The following TENM2 variants were observed in gnomAD, a reference collection of about 807,000 sequenced individuals.
TENM2 encodes teneurin transmembrane protein 2.
Under a neutral mutation model 245.2 loss-of-function variants are expected in TENM2, and 52 were observed. That is an observed-to-expected ratio of 0.21 (90% CI 0.17 to 0.27). The LOEUF is 0.27. Among genes scored for constraint, TENM2 ranks in the 10% least tolerant of loss-of-function variants. TENM2 has a pLI of 1.00. For missense variants in TENM2, 3,046 were observed against 3,666.8 expected (o/e 0.83, Z 4.37); for synonymous variants, 1,363 against 1,438.9 (o/e 0.95, Z 1.19).
At chr5:167,285,204 A>G in intron 1 of TENM2, 141 bp downstream of exon 3, 1 of 640,154 alleles carries the variant, frequency 1.6e-6, no homozygotes, top group Non-Finnish European at 2.8e-6. Flanking sequence ...CATAAAGGAC[A>G]TTCCTAACAA....
chr5:167,463,534 T>C (rs925198690), intron 2 of TENM2, among the ~76,000 whole-genome samples: 1 of 152,264 alleles, frequency 6.6e-6, no homozygotes, highest in Non-Finnish European at 1.5e-5. Context: ...GTTTCACTTT[T>C]GTTGCCCAGG....
chr5:168,227,406 CAAAG>C (rs1326364758), intron 24 of TENM2, among the ~76,000 whole-genome samples: 1 of 151,936 alleles, frequency 6.6e-6, no homozygotes, highest in Non-Finnish European at 1.5e-5. Flanking sequence ...TCCATTTTCT[CAAAG>C]AAAGAATCCT....
At chr5:168,136,673 G>A (rs993669365) in intron 12 of TENM2, among the ~76,000 whole-genome samples, 28 of 152,110 alleles carry the variant, frequency 1.8e-4, no homozygotes, top group Non-Finnish European at 2.5e-4. Context: ...CTGAGCTGTC[G>A]AACAGACACC....
chr5:167,686,742 G>A (rs557965423), intron 2 of TENM2, among the ~76,000 whole-genome samples: 39 of 152,278 alleles, frequency 2.6e-4, no homozygotes, highest in Non-Finnish European at 5.3e-4. Context: ...TTGCTGGGAT[G>A]CCTGGAGCCA....
rs190339424 is a variant in TENM2 at position 167,974,327 on chromosome 5, A to G, written c.948-18617A>G. On this transcript the variant is annotated intron_variant, in intron 4 of 28. Coordinates refer to ENST00000518659, the Ensembl canonical transcript of TENM2. ...GAAGGAAGGGAGGAAAGGAGGGAGGAAGGAAGGAAGGAAGGAAGGAAGGGA... is the reference window on the plus strand; with the variant it reads ...GAAGGAAGGGAGGAAAGGAGGGAGGGAGGAAGGAAGGAAGGAAGGAAGGGA... Among the ~76,000 whole-genome samples, 16 of 7,614 alleles carry G rather than the reference A, an allele frequency of 2.1e-3. 5 individuals are homozygous for G. Among genetic ancestry groups the G allele is most frequent in the Middle Eastern group, 0.056 (1 of 18 alleles). The allele number at this position is 7,614 out of a possible 152,430, so 5.0% of individuals were successfully genotyped here.
intron 2 of TENM2, among the ~76,000 whole-genome samples, chr5:167,633,130 A>C (rs1582602160): frequency 2.0e-5 from 3 of 152,186 alleles, no homozygotes; most frequent in Non-Finnish European, 2.9e-5. Flanking sequence ...TCTGGGAGGC[A>C]GTGGCTTAAG....
the TENM2 span, among the ~76,000 whole-genome samples, chr5:167,158,198 GA>G: frequency 6.6e-6 from 1 of 152,054 alleles, no homozygotes; most frequent in Admixed American, 6.6e-5. Context: ...CACAGATATA[GA>G]ACACAGAACA....
exon 22 of TENM2, chr5:168,216,778 A>T (rs1289899221): frequency 4.3e-6 from 7 of 1,613,768 alleles, no homozygotes; most frequent in Non-Finnish European, 5.9e-6. Flanking sequence ...GTATTGCAGT[A>T]GACAAGAATG....
chr5:167,644,385 TTC>T (rs1274746276), intron 2 of TENM2, among the ~76,000 whole-genome samples: 1 of 152,202 alleles, frequency 6.6e-6, no homozygotes, highest in East Asian at 1.9e-4. Context: ...TAGCAAATGT[TTC>T]TTTCTTTCCC....
At chr5:167,937,978 C>T (rs923805395) in intron 3 of TENM2, 4 of 152,314 alleles carry the variant, frequency 2.6e-5, no homozygotes, top group African/African-American at 9.7e-5. Context: ...CGTCTCCACT[C>T]AGCAACTCAG....
At chr5:167,899,410 T>G (rs1439204837) in intron 3 of TENM2, among the ~76,000 whole-genome samples, 2 of 152,298 alleles carry the variant, frequency 1.3e-5, no homozygotes, top group African/African-American at 4.8e-5. Context: ...CATGATAGCA[T>G]AGTAATAATA....
chr5:167,750,077 G>C (rs1022877351), intron 2 of TENM2, among the ~76,000 whole-genome samples: 7 of 152,124 alleles, frequency 4.6e-5, no homozygotes, highest in Admixed American at 4.6e-4. Context: ...CTGCAGGAAT[G>C]GTTCATTATC....
the TENM2 span, among the ~76,000 whole-genome samples, chr5:167,057,350 A>T: frequency 6.6e-6 from 1 of 152,178 alleles, no homozygotes; most frequent in East Asian, 1.9e-4. Flanking sequence ...TGATGCTTGT[A>T]CAGTCTCTTT....
At chr5:167,419,512 A>C (rs1763365673) in intron 2 of TENM2, among the ~76,000 whole-genome samples, 1 of 152,214 alleles carries the variant, frequency 6.6e-6, no homozygotes, top group Admixed American at 6.6e-5. Context: ...ATGGGTATTT[A>C]GAACGACAAA....
intron 1 of TENM2, among the ~76,000 whole-genome samples, chr5:167,369,707 C>A (rs1416058582): frequency 6.6e-6 from 1 of 152,128 alleles, no homozygotes; most frequent in Admixed American, 6.5e-5. Flanking sequence ...AAAATGACTT[C>A]TCTTAAATTC....
intron 2 of TENM2, among the ~76,000 whole-genome samples, chr5:167,837,062 C>T (rs2151126730): frequency 1.0e-5 from 1 of 98,068 alleles, no homozygotes; most frequent in Non-Finnish European, 2.3e-5. Context: ...ATATGTATGC[C>T]TAAGTACACA....
the TENM2 span, among the ~76,000 whole-genome samples, chr5:167,137,454 C>T: frequency 6.6e-6 from 1 of 152,104 alleles, no homozygotes; most frequent in Non-Finnish European, 1.5e-5. Context: ...TTTTTTCCAG[C>T]TCTCATGTGC....
In TENM2 at chr5:168,226,267, A is replaced by C; in HGVS notation, c.5284+4A>C. 6.2e-7 allele frequency: 1 copy of C among 1,611,574 alleles called. No homozygotes were observed. The highest frequency in any genetic ancestry group is 2.2e-5 in the East Asian group (1 of 44,810). On this transcript the variant is annotated splice_donor_region_variant and intron_variant, in intron 24 of 28. Transcript: ENST00000518659. ...GCCTCCTACACAGTGGTACAAGGTGAGCCTCCACCCATACCATCCTACCCC... is the reference window on the plus strand; with the variant it reads ...GCCTCCTACACAGTGGTACAAGGTGCGCCTCCACCCATACCATCCTACCCC...
chr5:167,114,659 T>A, the TENM2 span, among the ~76,000 whole-genome samples: 1 of 152,230 alleles, frequency 6.6e-6, no homozygotes, highest in African/African-American at 2.4e-5. Flanking sequence ...GCTTTCTTTT[T>A]AAACAAAACT....
Sources: allele counts gnomAD v4.1 joint callset (sites outside exome capture counted in the v4.1 genomes callset), GRCh38; gene constraint gnomAD v4.1.1; transcripts MANE v1.5; gene names NCBI Gene and HGNC (gene_info 2026-07-23, HGNC 2026-07-21).